The following XYLT2 variants were observed in gnomAD, a reference collection of about 807,000 sequenced individuals.
XYLT2 encodes xylosyltransferase 2.
A neutral mutation model predicts 82.6 loss-of-function variants in XYLT2; 37 were observed. That is an observed-to-expected ratio of 0.45 (90% CI 0.34 to 0.59). The LOEUF is 0.59. Among genes scored for constraint, XYLT2 ranks in the 20% least tolerant of loss-of-function variants. The probability of loss-of-function intolerance (pLI) is 0.01; values close to 1 mark genes in which losing one functional copy is unlikely to be tolerated. For missense variants in XYLT2, 934 were observed against 1,181.3 expected (o/e 0.79, Z 3.07); for synonymous variants, 474 against 499.0 (o/e 0.95, Z 0.67).
At chr17:50,353,327 A>G (rs1912348112) in intron 1 of XYLT2, among the ~76,000 whole-genome samples, 1 of 152,128 alleles carries the variant, frequency 6.6e-6, no homozygotes, top group Non-Finnish European at 1.5e-5. Flanking sequence ...ACATCTGCTG[A>G]AAAAGGAAGT....
Position 50,348,620 on chromosome 17 carries a change from C to G in XYLT2, c.135+2345C>G, listed in dbSNP as rs547518107. ...GAGAGCCACTTTATAGTTTCCAAAG[C>G]TTCCACAAACACCATCTCACCACTT... is the stretch of plus-strand genomic sequence containing the variant. On this transcript the variant is annotated intron_variant, in intron 1 of 10. Transcript: ENST00000017003. Among the ~76,000 whole-genome samples the G allele has an allele frequency of 3.9e-5, 6 of 152,316 alleles. No individual in the cohort carries two copies. In the East Asian group the frequency reaches 1.2e-3, roughly 29 times the overall value.
rs774412943 is a variant in XYLT2 at position 50,354,555 on chromosome 17, A to C, written c.776A>C (p.Gln259Pro). The C allele has an allele frequency of 6.2e-7, 1 of 1,611,600 alleles. No homozygotes were observed. Among genetic ancestry groups the C allele is most frequent in the African/African-American group, 1.3e-5 (1 of 75,042 alleles). Residue 259 changes from glutamine to proline, a missense_variant, in exon 3 of 11, where the codon CAG (glutamine) becomes CCG (proline). Gln to Pro is a moderately conservative substitution (Grantham distance 76). Coordinates refer to ENST00000017003, the MANE Select transcript of XYLT2 (RefSeq NM_022167.4). ...KRLLKAVYHE[Q>P]HFFYIHVDKR... ...CTCCTCAAGGCCGTTTATCACGAGC[A>C]GCACTTCTTTTACATCCATGTGGAC...
rs1419930294 is a variant in XYLT2 at position 50,356,129 on chromosome 17, C to G, written c.1350C>G (p.Thr450=). The G allele has an allele frequency of 1.9e-6, 3 of 1,614,210 alleles. No individual in the cohort carries two copies. Among genetic ancestry groups the G allele is most frequent in the Non-Finnish European group, 2.5e-6 (3 of 1,180,028 alleles). The change falls in exon 7 of 11, where the codon ACC becomes ACG. Residue 450 remains threonine (T), a synonymous_variant. Coordinates refer to ENST00000017003, the MANE Select transcript of XYLT2 (RefSeq NM_022167.4). ...TGGAGAACAGCCTGGCCTGTGAGAC[C>G]CTCGTGGACAACAACCTGCGGGTCA... ...TVLENSLACE[T]LVDNNLRVTN...
chr17:50,355,444 G>C, intron 4 of XYLT2, 57 bp from the exon 5 acceptor site: 1 of 1,574,354 alleles, frequency 6.4e-7, no homozygotes, highest in Non-Finnish European at 8.7e-7. Context: ...GTCCGCTCTG[G>C]GCCAGTGACT....
intron 4 of XYLT2, 99 bp downstream of exon 4, chr17:50,355,155 G>GT (rs1263452529): frequency 8.4e-6 from 11 of 1,306,484 alleles, no homozygotes; most frequent in East Asian, 4.7e-5. Context: ...CCCCATAAGC[G>GT]TAACTCTGGG....
At chr17:50,352,785 G>A (rs1912326758) in intron 1 of XYLT2, among the ~76,000 whole-genome samples, 1 of 152,342 alleles carries the variant, frequency 6.6e-6, no homozygotes, top group Middle Eastern at 3.4e-3. Context: ...GCCTCCAGCT[G>A]TGGGCACCTT....
chr17:50,356,610 C>A lies in XYLT2; in HGVS notation c.1582C>A (p.Pro528Thr), dbSNP rs147847688. The A allele has an allele frequency of 1.9e-5, 30 of 1,614,146 alleles. No homozygotes were observed. Among genetic ancestry groups the A allele is most frequent in the East Asian group, 2.2e-5 (1 of 44,880 alleles). ...CTTCCACCTGTATGGCAGCTACCCC[C>A]CCGGCACGCCAGCCCTCAAGGCCTA... is the stretch of plus-strand genomic sequence containing the variant. ...LDFHLYGSYP[P>T]GTPALKAYWE... The change falls in exon 8 of 11, where the codon CCC becomes ACC. Residue 528 changes from proline to threonine, a missense_variant. Around this residue, in one of 3 missense-constraint regions of XYLT2, gnomAD observed 374 missense variants for 465.6 expected, o/e 0.80. Transcript: ENST00000017003.
At chr17:50,350,484 T>C (rs1889713158) in intron 1 of XYLT2, among the ~76,000 whole-genome samples, 1 of 117,868 alleles carries the variant, frequency 8.5e-6, no homozygotes, top group Non-Finnish European at 1.8e-5. Flanking sequence ...CAAGAATCGC[T>C]TGAACCCAAG....
Position 50,355,073 on chromosome 17 carries a change from C to G in XYLT2, c.1007+17C>G, listed in dbSNP as rs774856254. On this transcript the variant is annotated intron_variant, in intron 4 of 10. Coordinates refer to ENST00000017003, the MANE Select transcript of XYLT2 (RefSeq NM_022167.4). ...TCCAACCAGGTGTGGGGATGGGGCT[C>G]TGAGTCCTCTGCATGGGAGGGGACC... 2 of 1,522,958 alleles carry G rather than the reference C, an allele frequency of 1.3e-6. No individual in the cohort carries two copies. The highest frequency in any genetic ancestry group is 1.3e-5 in the South Asian group (1 of 75,850). 94.3% of individuals were successfully genotyped at this position (1,522,958 alleles called of 1,614,324 possible).
At chr17:50,347,868 T>C (rs1912104015) in intron 1 of XYLT2, among the ~76,000 whole-genome samples, 2 of 152,222 alleles carry the variant, frequency 1.3e-5, no homozygotes, top group South Asian at 2.1e-4. Context: ...TTCACCACTC[T>C]CTTCCAGCTC....
At chr17:50,356,883 G>A (rs1200274414) in intron 8 of XYLT2, 110 bp downstream of exon 8, 3 of 1,502,660 alleles carry the variant, frequency 2.0e-6, no homozygotes, top group Non-Finnish European at 2.7e-6. Flanking sequence ...TCTGAAGCAG[G>A]GAAAAATGCA....
chr17:50,348,105 T>C (rs1567803237), intron 1 of XYLT2, among the ~76,000 whole-genome samples: 1 of 152,250 alleles, frequency 6.6e-6, no homozygotes, highest in South Asian at 2.1e-4. Flanking sequence ...ATACGATTCA[T>C]TCATTCATTC....
At position 50,346,443 on chromosome 17, in the gene XYLT2, C is replaced by G. The variant is rs1344595207; in HGVS notation, c.135+168C>G. 6.8e-6 allele frequency: 6 copies of G among 885,480 alleles called. No individual in the cohort carries two copies. Among genetic ancestry groups the G allele is most frequent in the Non-Finnish European group, 8.1e-6 (6 of 738,708 alleles). The allele number at this position is 885,480 out of a possible 1,614,324, so 54.9% of individuals were successfully genotyped here. On this transcript the variant is annotated intron_variant, in intron 1 of 10. Transcript: ENST00000017003. The surrounding 1 kb of genome is among the most constrained non-coding windows in gnomAD (Gnocchi z 5.1). ...CATCCGGCCCCCGGCACTCCCTTCCCCAGCAGGCCTAGGGAGCTGCGCGCG... is the reference window on the plus strand; with the variant it reads ...CATCCGGCCCCCGGCACTCCCTTCCGCAGCAGGCCTAGGGAGCTGCGCGCG...
intron 3 of XYLT2, 130 bp from the exon 4 acceptor site, chr17:50,354,724 C>A: frequency 6.6e-7 from 1 of 1,526,490 alleles, no homozygotes; most frequent in Admixed American, 1.8e-5. Flanking sequence ...CAGCACGAGC[C>A]AGCTCAGCCG....
intron 3 of XYLT2, 66 bp from the exon 4 acceptor site, chr17:50,354,788 T>C: frequency 1.3e-6 from 2 of 1,597,844 alleles, no homozygotes; most frequent in Non-Finnish European, 1.7e-6. Context: ...CCCTTCACTC[T>C]GTCCTGGGGT....
At chr17:50,352,068 G>C (rs1300381208) in intron 1 of XYLT2, among the ~76,000 whole-genome samples, 1 of 152,208 alleles carries the variant, frequency 6.6e-6, no homozygotes, top group Non-Finnish European at 1.5e-5. Context: ...GCAAGACAGA[G>C]TGGTCCATTA....
chr17:50,356,882 G>A (rs1260923530), intron 8 of XYLT2, 109 bp downstream of exon 8: 1 of 1,504,324 alleles, frequency 6.6e-7, no homozygotes, highest in Non-Finnish European at 8.9e-7. Flanking sequence ...GTCTGAAGCA[G>A]GGAAAAATGC....
intron 1 of XYLT2, among the ~76,000 whole-genome samples, chr17:50,352,605 A>G (rs1438932992): frequency 1.3e-5 from 2 of 152,168 alleles, no homozygotes; most frequent in Non-Finnish European, 2.9e-5. Context: ...AGGTGGCTGG[A>G]CATGCTGTTC....
rs1266319697 is a variant in XYLT2 at position 50,355,901 on chromosome 17, G to T, written c.1209G>T (p.Val403=). The stretch of plus-strand genomic sequence containing the variant: ...TGGATGGCGGTTCTGACTGGTTCGT[G>T]CTGACACGCAGCTTTGTGGAGTATG... The part of the protein sequence containing the change: ...IVVDGGSDWF[V]LTRSFVEYVV... The change falls in exon 6 of 11, where the codon GTG becomes GTT. Residue 403 remains valine, a synonymous_variant. Transcript: ENST00000017003. The T allele has an allele frequency of 3.7e-6, 6 of 1,614,136 alleles. No homozygotes were observed. Among genetic ancestry groups the T allele is most frequent in the African/African-American group, 1.3e-5 (1 of 74,940 alleles).
Sources: gnomAD v4.1 joint callset for allele counts (sites outside exome capture counted in the v4.1 genomes callset) on GRCh38, gnomAD v4.1.1 for gene constraint, gnomAD v4.1.1 regional missense constraint, Gnocchi (gnomAD v3.1) non-coding constraint, MANE v1.5 for transcripts, NCBI Gene and HGNC (gene_info 2026-07-23, HGNC 2026-07-21) for gene names.